SLC24A2: variants seen among roughly 807,000 people sequenced by gnomAD.
The protein encoded by SLC24A2 is sodium/potassium/calcium exchanger 2.
A neutral mutation model predicts 62.0 loss-of-function variants in SLC24A2; 36 were observed. The observed-to-expected ratio is 0.58, with a 90% CI of 0.44 to 0.77. The LOEUF is 0.77. Among genes scored for constraint, SLC24A2 ranks in the 30% least tolerant of loss-of-function variants. SLC24A2 has a pLI of 0.00. For synonymous variants in SLC24A2, 358 were observed against 294.0 expected, an observed-to-expected ratio of 1.22 and a Z score of -2.23; for missense variants, 846 against 817.9, an observed-to-expected ratio of 1.03 and a Z score of -0.42.
chr9:20,070,674 C>A, the SLC24A2 span, among the ~76,000 whole-genome samples: 1 of 152,158 alleles, frequency 6.6e-6, no homozygotes, highest in Admixed American at 6.5e-5. Flanking sequence ...GTACTTTATG[C>A]AAGATCATTA....
chr9:19,521,411 C>T (rs901400892), intron 9 of SLC24A2, among the ~76,000 whole-genome samples: 1 of 152,164 alleles, frequency 6.6e-6, no homozygotes, highest in African/African-American at 2.4e-5. Context: ...GGGGGCAGCA[C>T]CTGGCAGTGG....
the SLC24A2 span, among the ~76,000 whole-genome samples, chr9:20,025,146 C>G: frequency 6.6e-6 from 1 of 152,118 alleles, no homozygotes; most frequent in East Asian, 1.9e-4. Context: ...CTAGTCTATT[C>G]TATTCTATTT....
At chr9:20,251,888 C>A in the SLC24A2 span, among the ~76,000 whole-genome samples, 1 of 152,184 alleles carries the variant, frequency 6.6e-6, no homozygotes, top group Non-Finnish European at 1.5e-5. Flanking sequence ...TAGCCATGCT[C>A]CACAATGTCC....
At chr9:19,562,928 G>A (rs976610903) in intron 7 of SLC24A2, among the ~76,000 whole-genome samples, 7 of 152,016 alleles carry the variant, frequency 4.6e-5, no homozygotes, top group Non-Finnish European at 8.8e-5. Flanking sequence ...AACACAGCAA[G>A]AACTATTTCT....
the SLC24A2 span, among the ~76,000 whole-genome samples, chr9:20,168,329 A>G: frequency 1.3e-5 from 2 of 152,020 alleles, no homozygotes; most frequent in Non-Finnish European, 2.9e-5. Context: ...TTAAAAAAGT[A>G]TGGGATATGA....
chr9:19,915,573 A>C, the SLC24A2 span, among the ~76,000 whole-genome samples: 2 of 152,076 alleles, frequency 1.3e-5, no homozygotes, highest in Non-Finnish European at 2.9e-5. Flanking sequence ...GTTCCAATTT[A>C]TCCATATCCT....
At chr9:19,978,154 CAT>C in the SLC24A2 span, among the ~76,000 whole-genome samples, 2 of 152,278 alleles carry the variant, frequency 1.3e-5, no homozygotes, top group Admixed American at 6.5e-5. Context: ...GTGCCTCAAA[CAT>C]GTGGTTCTAT....
At chr9:19,838,457 AC>A in the SLC24A2 span, among the ~76,000 whole-genome samples, 2 of 117,640 alleles carry the variant, frequency 1.7e-5, no homozygotes, top group Non-Finnish European at 3.4e-5. Flanking sequence ...ACCTAAAACC[AC>A]ACACACACAC....
the SLC24A2 span, among the ~76,000 whole-genome samples, chr9:19,864,803 T>C: frequency 2.0e-5 from 3 of 152,132 alleles, no homozygotes; most frequent in South Asian, 2.1e-4. Context: ...ACTTTCATCA[T>C]TGTTATTCAA....
intron 7 of SLC24A2, among the ~76,000 whole-genome samples, chr9:19,563,250 A>G (rs1383262874): frequency 1.3e-5 from 2 of 152,182 alleles, no homozygotes; most frequent in Non-Finnish European, 2.9e-5. Context: ...CTTTTCACCA[A>G]TGCCTCTACT....
chr9:19,659,074 C>G (rs559213943), intron 2 of SLC24A2, among the ~76,000 whole-genome samples: 1 of 152,222 alleles, frequency 6.6e-6, no homozygotes, highest in East Asian at 1.9e-4. Context: ...AGGATTGTTG[C>G]AGATGTAATT....
the SLC24A2 span, among the ~76,000 whole-genome samples, chr9:20,220,799 A>G: frequency 6.6e-6 from 1 of 152,130 alleles, no homozygotes; most frequent in Non-Finnish European, 1.5e-5. Context: ...TCTTTGAGAT[A>G]TATTTCTCAT....
chr9:20,096,996 C>G, the SLC24A2 span, among the ~76,000 whole-genome samples: 17 of 152,182 alleles, frequency 1.1e-4, no homozygotes, highest in African/African-American at 4.1e-4. Flanking sequence ...TTCAAACTTA[C>G]TAAAGAAGTA....
the SLC24A2 span, among the ~76,000 whole-genome samples, chr9:20,304,467 T>C: frequency 6.6e-6 from 1 of 152,192 alleles, no homozygotes; most frequent in Non-Finnish European, 1.5e-5. Context: ...AATTTTCTGT[T>C]TAAAAAAAGA....
chr9:19,947,490 CAAGAA>C, the SLC24A2 span, among the ~76,000 whole-genome samples: 1 of 151,390 alleles, frequency 6.6e-6, no homozygotes, highest in African/African-American at 2.4e-5. Context: ...GGAAAGAAAA[CAAGAA>C]AAGAAATTAG....
At chr9:19,837,799 G>C in the SLC24A2 span, among the ~76,000 whole-genome samples, 2 of 151,894 alleles carry the variant, frequency 1.3e-5, no homozygotes, top group South Asian at 4.2e-4. Context: ...GCCAAATCAT[G>C]AGTGAACTCC....
the SLC24A2 span, among the ~76,000 whole-genome samples, chr9:19,972,639 C>T: frequency 6.6e-6 from 1 of 152,162 alleles, no homozygotes. Context: ...AAATTTTCTG[C>T]TTGTTGAATC....
the SLC24A2 span, among the ~76,000 whole-genome samples, chr9:19,969,543 G>A: frequency 6.6e-6 from 1 of 152,168 alleles, no homozygotes; most frequent in Non-Finnish European, 1.5e-5. Context: ...CTTTTCTGCA[G>A]AGATGTCCAC....
chr9:20,146,859 C>T, the SLC24A2 span, among the ~76,000 whole-genome samples: 1 of 152,070 alleles, frequency 6.6e-6, no homozygotes, highest in Admixed American at 6.6e-5. Context: ...GTCAATTTCT[C>T]AATGTTCTTC....
Sources: gnomAD v4.1 joint callset for allele counts (sites outside exome capture counted in the v4.1 genomes callset) on GRCh38, gnomAD v4.1.1 for gene constraint, MANE v1.5 for transcripts, NCBI Gene and HGNC (gene_info 2026-07-23, HGNC 2026-07-21) for gene names.